Variants in OLA1 observed in about 807,000 individuals in gnomAD.
OLA1 encodes the protein obg-like ATPase 1.
OLA1 carries 14 observed loss-of-function variants against 48.4 expected under a neutral mutation model. The observed-to-expected ratio is 0.29, with a 90% CI of 0.19 to 0.45. The LOEUF (loss-of-function observed/expected upper bound fraction) is 0.45, where lower values mean the gene tolerates loss of function less well. Among genes scored for constraint, OLA1 ranks in the 20% least tolerant of loss-of-function variants. The pLI, the probability that OLA1 is intolerant of heterozygous loss-of-function variation, is 1.00. For synonymous variants in OLA1, 127 were observed against 150.4 expected (o/e 0.84, Z 1.14); for missense variants, 325 against 467.1 (o/e 0.70, Z 2.80).
chr2:174,182,161 G>C (rs1329877039), intron 4 of OLA1, among the ~76,000 whole-genome samples: 1 of 152,226 alleles, frequency 6.6e-6, no homozygotes, highest in Non-Finnish European at 1.5e-5. Context: ...TCCTATGACA[G>C]AATGCTACAT....
intron 7 of OLA1, among the ~76,000 whole-genome samples, 194 bp from the exon 8 acceptor site, chr2:174,082,258 G>A (rs1684872657): frequency 6.6e-6 from 1 of 152,074 alleles, no homozygotes; most frequent in Non-Finnish European, 1.5e-5. Context: ...GTATTTTACT[G>A]TAACCTAGTT....
At chr2:174,158,371 G>A (rs1344396527) in intron 4 of OLA1, among the ~76,000 whole-genome samples, 3 of 151,988 alleles carry the variant, frequency 2.0e-5, no homozygotes, top group Admixed American at 6.6e-5. Flanking sequence ...TGGTACAGAA[G>A]GGGTGGTTAT....
At chr2:174,119,293 A>G (rs1171009320) in intron 7 of OLA1, among the ~76,000 whole-genome samples, 2 of 152,126 alleles carry the variant, frequency 1.3e-5, no homozygotes, top group Admixed American at 6.5e-5. Flanking sequence ...AATTCATAGT[A>G]TAAATAATAC....
In OLA1 at chr2:174,117,066, A is replaced by G. The variant is rs568018318; in HGVS notation, c.728+6114T>C. ...GAAGTTATAGGGCCCAACCTGAAAG[A>G]GGGGATGGGGTTGTAGAGAACATGG... is the stretch of plus-strand genomic sequence containing the variant. On this transcript the variant is annotated intron_variant, in intron 7 of 10. Coordinates refer to ENST00000284719, the MANE Select transcript of OLA1 (RefSeq NM_013341.5). Among the ~76,000 whole-genome samples, 5 of 152,262 alleles carry G rather than the reference A, an allele frequency of 3.3e-5. No individual in the cohort carries two copies. In the South Asian group the frequency reaches 1.0e-3, roughly 32 times the overall value.
intron 2 of OLA1, among the ~76,000 whole-genome samples, chr2:174,230,036 C>A (rs550226654): frequency 6.6e-6 from 1 of 152,178 alleles, no homozygotes; most frequent in Non-Finnish European, 1.5e-5. Context: ...TGACTTAAAT[C>A]AAGAAAATAT....
At chr2:174,246,908 A>G in intron 1 of OLA1, 93 bp from the exon 2 acceptor site, 1 of 723,964 alleles carries the variant, frequency 1.4e-6, no homozygotes, top group Non-Finnish European at 2.3e-6. Context: ...TATTGAATTA[A>G]GATTAAGAAC....
At position 174,218,669 on chromosome 2, in the gene OLA1, A is replaced by G. The variant is rs10497412; in HGVS notation, c.373+4364T>C. Among the ~76,000 whole-genome samples the G allele has an allele frequency of 8.8e-3, 1,342 of 152,344 alleles. 24 individuals are homozygous for G. The highest frequency in any genetic ancestry group is 0.03 in the African/African-American group (1,252 of 41,574). ...ATGTCCTCATTAGTACACTTTGCAA[A>G]CAAACCTACTGAAAATAAAACTTCA... On this transcript the variant is annotated intron_variant, in intron 4 of 10. Coordinates refer to ENST00000284719, the MANE Select transcript of OLA1 (RefSeq NM_013341.5).
At chr2:174,205,830 A>G (rs1260932419) in intron 4 of OLA1, among the ~76,000 whole-genome samples, 8 of 152,178 alleles carry the variant, frequency 5.3e-5, no homozygotes, top group African/African-American at 1.9e-4. Context: ...TCTGAGGGGA[A>G]GCCCTGACAT....
chr2:174,225,208 T>C (rs1688589664), intron 3 of OLA1, among the ~76,000 whole-genome samples: 1 of 152,162 alleles, frequency 6.6e-6, no homozygotes, highest in South Asian at 2.1e-4. Context: ...TTGCTCCCCC[T>C]GTCTCCATGT....
At chr2:174,237,191 A>T (rs933756819) in intron 2 of OLA1, among the ~76,000 whole-genome samples, 1 of 147,726 alleles carries the variant, frequency 6.8e-6, no homozygotes, top group African/African-American at 2.4e-5. Context: ...TGCTTTTTTT[A>T]AAAACTTTTT....
chr2:174,225,435 A>G (rs1688594326), intron 3 of OLA1, among the ~76,000 whole-genome samples: 1 of 152,204 alleles, frequency 6.6e-6, no homozygotes, highest in Admixed American at 6.5e-5. Context: ...CTGTAATCCC[A>G]GCTACTCAGG....
intron 7 of OLA1, among the ~76,000 whole-genome samples, chr2:174,082,457 A>G (rs1197666806): frequency 6.6e-6 from 1 of 152,180 alleles, no homozygotes; most frequent in African/African-American, 2.4e-5. Flanking sequence ...TACAGGAATC[A>G]TACCTAAAAA....
intron 7 of OLA1, among the ~76,000 whole-genome samples, chr2:174,088,256 C>T (rs1433206398): frequency 6.6e-6 from 1 of 152,196 alleles, no homozygotes. Flanking sequence ...TTCTGTTAAA[C>T]ACTGATGTCA....
chr2:174,203,086 T>C (rs1688026474), intron 4 of OLA1, among the ~76,000 whole-genome samples: 1 of 152,158 alleles, frequency 6.6e-6, no homozygotes, highest in East Asian at 1.9e-4. Flanking sequence ...TAAAATATTA[T>C]CGAACATGTC....
intron 4 of OLA1, chr2:174,217,778 C>G (rs1688400653): frequency 1.3e-5 from 2 of 151,472 alleles, no homozygotes; most frequent in African/African-American, 4.8e-5. Flanking sequence ...ATAGTATACG[C>G]TCTTTTTTTG....
At chr2:174,229,166 A>G (rs1688675756) in intron 3 of OLA1, 142 bp downstream of exon 3, 2 of 836,252 alleles carry the variant, frequency 2.4e-6, no homozygotes, top group Non-Finnish European at 3.8e-6. Flanking sequence ...GAGCCACCGC[A>G]CCCAGCCCTC....
chr2:174,121,660 T>C (rs1685917274), intron 7 of OLA1, among the ~76,000 whole-genome samples: 1 of 152,162 alleles, frequency 6.6e-6, no homozygotes, highest in African/African-American at 2.4e-5. Context: ...AGACAAGGGT[T>C]TACTTTCAAT....
intron 7 of OLA1, among the ~76,000 whole-genome samples, chr2:174,087,031 CTT>C (rs374845811): frequency 7.7e-5 from 11 of 141,994 alleles, no homozygotes; most frequent in Non-Finnish European, 1.2e-4. Flanking sequence ...TTCTTTTTTT[CTT>C]TTTTTTTTTT....
intron 6 of OLA1, 69 bp downstream of exon 6, chr2:174,123,526 C>A: frequency 1.1e-6 from 1 of 905,822 alleles, no homozygotes; most frequent in South Asian, 1.7e-5. Flanking sequence ...AAAATAACAA[C>A]AACTCTAATT....
Sources: gnomAD v4.1 joint callset for allele counts (sites outside exome capture counted in the v4.1 genomes callset) on GRCh38, gnomAD v4.1.1 for gene constraint, MANE v1.5 for transcripts, NCBI Gene and HGNC (gene_info 2026-07-23, HGNC 2026-07-21) for gene names.